ANKFN1: variants seen among roughly 807,000 people sequenced by gnomAD.
The protein encoded by ANKFN1 is ankyrin repeat and fibronectin type III domain containing 1, also known as ankyrin repeat and fibronectin type-III domain-containing protein 1.
A neutral mutation model predicts 108.7 loss-of-function variants in ANKFN1; 74 were observed. The ratio of observed to expected loss-of-function variants is 0.68; its 90% CI spans 0.56 to 0.83. The LOEUF (loss-of-function observed/expected upper bound fraction) is 0.83, where lower values mean the gene tolerates loss of function less well. Ranked by LOEUF, ANKFN1 falls within the 40% of genes least tolerant of loss-of-function variation. The probability of loss-of-function intolerance (pLI) is 0.00; values close to 1 mark genes in which losing one functional copy is unlikely to be tolerated. For missense variants in ANKFN1, 1,505 were observed against 1,382.3 expected (o/e 1.09, Z -1.41); for synonymous variants, 547 against 516.2 (o/e 1.06, Z -0.81).
intron 4 of ANKFN1, among the ~76,000 whole-genome samples, chr17:56,331,353 C>G (rs925905444): frequency 6.6e-6 from 1 of 152,188 alleles, no homozygotes; most frequent in Non-Finnish European, 1.5e-5. Flanking sequence ...TCTGTCTACC[C>G]ACCTGTCAAG....
At chr17:56,136,494 T>A (rs1907607505) in intron 4 of ANKFN1, among the ~76,000 whole-genome samples, 2 of 152,222 alleles carry the variant, frequency 1.3e-5, no homozygotes, top group Admixed American at 1.3e-4. Flanking sequence ...AGAATGTATT[T>A]GGCAGACAAT....
At chr17:56,421,462 A>G (rs1466342766) in intron 8 of ANKFN1, among the ~76,000 whole-genome samples, 1 of 152,238 alleles carries the variant, frequency 6.6e-6, no homozygotes, top group Non-Finnish European at 1.5e-5. Context: ...TGAATAGGGC[A>G]CAAACCCAAA....
chr17:56,143,075 A>G (rs539402039), intron 4 of ANKFN1, among the ~76,000 whole-genome samples: 4 of 152,270 alleles, frequency 2.6e-5, no homozygotes, highest in African/African-American at 7.2e-5. Flanking sequence ...AAGAGAAGAC[A>G]TTGCGAAGAA....
intron 4 of ANKFN1, among the ~76,000 whole-genome samples, chr17:56,118,352 C>T (rs1255630151): frequency 3.9e-5 from 6 of 152,122 alleles, no homozygotes; most frequent in Non-Finnish European, 8.8e-5. Context: ...TTTCCAGCAG[C>T]AATGAATGAA....
At chr17:56,269,848 A>C (rs1269686880) in intron 3 of ANKFN1, among the ~76,000 whole-genome samples, 4 of 152,170 alleles carry the variant, frequency 2.6e-5, no homozygotes, top group Admixed American at 6.5e-5. Context: ...TGAAGTTCTC[A>C]TTCAGGTCTT....
intron 19 of ANKFN1, among the ~76,000 whole-genome samples, chr17:56,494,830 C>G (rs547021832): frequency 6.6e-6 from 1 of 152,122 alleles, no homozygotes; most frequent in East Asian, 1.9e-4. Context: ...CTTATGCCTC[C>G]CTGAATCCAG....
intron 4 of ANKFN1, among the ~76,000 whole-genome samples, chr17:56,079,447 G>C (rs1905219381): frequency 1.3e-5 from 2 of 152,182 alleles, no homozygotes; most frequent in Admixed American, 1.3e-4. Context: ...AGTGACCACA[G>C]CCAGATGATG....
chr17:56,159,968 G>A (rs1346675996), intron 1 of ANKFN1, among the ~76,000 whole-genome samples: 1 of 151,966 alleles, frequency 6.6e-6, no homozygotes, highest in Non-Finnish European at 1.5e-5. Flanking sequence ...AGGAGGGCAG[G>A]GCAGAGAGAT....
intron 3 of ANKFN1, among the ~76,000 whole-genome samples, chr17:56,261,795 C>G (rs575000626): frequency 6.6e-6 from 1 of 152,216 alleles, no homozygotes; most frequent in Non-Finnish European, 1.5e-5. Context: ...GGGTCTGCAT[C>G]TCCCCGTCCA....
intron 4 of ANKFN1, among the ~76,000 whole-genome samples, chr17:56,331,333 A>C (rs1567919414): frequency 6.6e-6 from 1 of 152,064 alleles, no homozygotes; most frequent in African/African-American, 2.4e-5. Flanking sequence ...TGTCCCTCTC[A>C]CTGACTATAT....
At chr17:56,344,519 G>T (rs1404857467) in intron 4 of ANKFN1, among the ~76,000 whole-genome samples, 1 of 151,936 alleles carries the variant, frequency 6.6e-6, no homozygotes, top group Non-Finnish European at 1.5e-5. Flanking sequence ...ATCTTCTCAG[G>T]TCTTTTCTGA....
At position 56,144,516 on chromosome 17, in the gene ANKFN1, A is replaced by G. The variant is rs533312705; in HGVS notation, c.289-83401A>G. ...ACAAGTAGCTTGGGTACTCTGATTT[A>G]AACCGCATGCCCTCGCGGGAGTCCC... On this transcript the variant is annotated intron_variant, in intron 4 of 12. Transcript: ENST00000635860. 9.2e-5 allele frequency among the ~76,000 whole-genome samples: 14 copies of G among 152,340 alleles called. No homozygotes were observed. In the East Asian group the frequency reaches 2.7e-3, roughly 29 times the overall value.
At chr17:56,184,305 A>T (rs746511138) in intron 1 of ANKFN1, among the ~76,000 whole-genome samples, 1 of 152,224 alleles carries the variant, frequency 6.6e-6, no homozygotes, top group Non-Finnish European at 1.5e-5. Context: ...AGCCAGCAAC[A>T]TAGAGGCAAG....
At chr17:56,368,414 G>A (rs2046721930) in intron 6 of ANKFN1, among the ~76,000 whole-genome samples, 1 of 149,992 alleles carries the variant, frequency 6.7e-6, no homozygotes, top group African/African-American at 2.4e-5. Flanking sequence ...CGTGTAGCTG[G>A]GACTACAGGT....
chr17:56,357,457 A>G (rs993892205), intron 6 of ANKFN1, among the ~76,000 whole-genome samples: 6 of 152,132 alleles, frequency 3.9e-5, no homozygotes, highest in Non-Finnish European at 7.4e-5. Context: ...TTCCACACAA[A>G]CTCACTGCCT....
chr17:56,128,778 A>G (rs1348272351), intron 4 of ANKFN1, among the ~76,000 whole-genome samples: 4 of 152,216 alleles, frequency 2.6e-5, no homozygotes, highest in African/African-American at 9.6e-5. Context: ...TTTAGCTAAC[A>G]TCTATTAATA....
At chr17:56,141,818 T>A (rs772752120) in intron 4 of ANKFN1, among the ~76,000 whole-genome samples, 1 of 152,082 alleles carries the variant, frequency 6.6e-6, no homozygotes, top group Non-Finnish European at 1.5e-5. Flanking sequence ...ATTCATGAAC[T>A]GTTTTACACT....
chr17:56,455,837 T>C (rs962492482), intron 11 of ANKFN1, among the ~76,000 whole-genome samples: 1 of 152,218 alleles, frequency 6.6e-6, no homozygotes, highest in Non-Finnish European at 1.5e-5. Context: ...CAATAAATAT[T>C]TGTCCAATTA....
At chr17:56,132,724 G>A (rs868727305) in intron 4 of ANKFN1, among the ~76,000 whole-genome samples, 2 of 152,074 alleles carry the variant, frequency 1.3e-5, no homozygotes, top group Non-Finnish European at 2.9e-5. Context: ...TGATGAGGGC[G>A]CTCTTCTGGG....
Sources: gnomAD v4.1 joint callset for allele counts (sites outside exome capture counted in the v4.1 genomes callset) on GRCh38, gnomAD v4.1.1 for gene constraint, MANE v1.5 for transcripts, NCBI Gene and HGNC (gene_info 2026-07-23, HGNC 2026-07-21) for gene names.